Variants in XKR4 observed in about 807,000 individuals in gnomAD.
XKR4 encodes XK-related protein 4.
Under a neutral mutation model 53.9 loss-of-function variants are expected in XKR4, and 12 were observed. The ratio of observed to expected loss-of-function variants is 0.22; its 90% CI spans 0.14 to 0.36. The LOEUF (loss-of-function observed/expected upper bound fraction) is 0.36, where lower values mean the gene tolerates loss of function less well. Among genes scored for constraint, XKR4 ranks in the 10% least tolerant of loss-of-function variants. The pLI is 1.00. For synonymous variants in XKR4, 354 were observed against 362.4 expected, an observed-to-expected ratio of 0.98 and a Z score of 0.26; for missense variants, 799 against 859.5, an observed-to-expected ratio of 0.93 and a Z score of 0.88.
chr8:55,139,278 CT>C (rs1389149896), intron 1 of XKR4, among the ~76,000 whole-genome samples: 24 of 152,042 alleles, frequency 1.6e-4, no homozygotes, highest in African/African-American at 5.3e-4. Context: ...GCTCATGCCT[CT>C]AATCCCAGCA....
chr8:55,228,054 G>A (rs1239315609), intron 1 of XKR4, among the ~76,000 whole-genome samples: 11 of 152,200 alleles, frequency 7.2e-5, no homozygotes, highest in East Asian at 3.9e-4. Context: ...TTACGGACAC[G>A]CACCACCACG....
intron 2 of XKR4, among the ~76,000 whole-genome samples, chr8:55,376,444 C>A (rs990946354): frequency 6.6e-5 from 10 of 152,134 alleles, no homozygotes; most frequent in African/African-American, 2.4e-4. Context: ...GATAGTATCT[C>A]ATTGTGGTAT....
At chr8:55,205,836 A>C (rs781322405) in intron 1 of XKR4, among the ~76,000 whole-genome samples, 1 of 152,162 alleles carries the variant, frequency 6.6e-6, no homozygotes, top group Non-Finnish European at 1.5e-5. Context: ...TGACTTCAAG[A>C]ATGAAGTCGC....
chr8:55,170,624 C>A (rs776627764), intron 1 of XKR4, among the ~76,000 whole-genome samples: 5 of 151,812 alleles, frequency 3.3e-5, no homozygotes, highest in Non-Finnish European at 1.5e-5. Flanking sequence ...CTTGTTACAG[C>A]ACCAATAAGA....
At chr8:55,485,616 C>G (rs749395944) in intron 2 of XKR4, among the ~76,000 whole-genome samples, 17 of 152,208 alleles carry the variant, frequency 1.1e-4, no homozygotes, top group Middle Eastern at 3.4e-3. Flanking sequence ...TTACCTCCTG[C>G]CCCCCTCAGC....
At chr8:55,380,878 A>T (rs569619212) in intron 2 of XKR4, among the ~76,000 whole-genome samples, 17 of 152,344 alleles carry the variant, frequency 1.1e-4, no homozygotes, top group African/African-American at 3.8e-4. Context: ...CATTTGATAA[A>T]AGAGTCAAAC....
intron 1 of XKR4, among the ~76,000 whole-genome samples, chr8:55,141,671 CTGTGTGTGTGTGTGTGTG>C (rs370296200): frequency 1.5e-5 from 2 of 135,176 alleles, no homozygotes; most frequent in Non-Finnish European, 3.2e-5. Flanking sequence ...CTCTCTCTCT[CTGTGTGTGTGTGTGTGTG>C]TCTCTCTCTG....
chr8:55,366,559 C>T (rs527266435), intron 2 of XKR4, among the ~76,000 whole-genome samples: 3 of 152,312 alleles, frequency 2.0e-5, no homozygotes, highest in African/African-American at 4.8e-5. Flanking sequence ...CTTGAAATTC[C>T]GTTTCCTGCT....
At chr8:55,425,920 C>T (rs1365490043) in intron 2 of XKR4, among the ~76,000 whole-genome samples, 3 of 152,288 alleles carry the variant, frequency 2.0e-5, no homozygotes, top group South Asian at 4.1e-4. Context: ...ATGCCATCAG[C>T]GGCTTTCCTT....
intron 2 of XKR4, among the ~76,000 whole-genome samples, chr8:55,432,846 G>A (rs988755303): frequency 1.3e-5 from 2 of 150,412 alleles, no homozygotes; most frequent in Non-Finnish European, 1.5e-5. Context: ...TAGAGGAGAG[G>A]AAAGGAAAGG....
At chr8:55,221,891 G>A (rs1188158613) in intron 1 of XKR4, among the ~76,000 whole-genome samples, 3 of 152,190 alleles carry the variant, frequency 2.0e-5, no homozygotes, top group African/African-American at 7.2e-5. Flanking sequence ...GAGGAAAGAG[G>A]AGGGTGAATC....
At chr8:55,463,440 A>C (rs920739597) in intron 2 of XKR4, among the ~76,000 whole-genome samples, 1 of 151,538 alleles carries the variant, frequency 6.6e-6, no homozygotes, top group East Asian at 1.9e-4. Flanking sequence ...GAACAAAGAC[A>C]CAACATACCA....
chr8:55,460,474 A>C (rs1436534338), intron 2 of XKR4, among the ~76,000 whole-genome samples: 2 of 152,252 alleles, frequency 1.3e-5, no homozygotes, highest in Non-Finnish European at 2.9e-5. Flanking sequence ...TTATCAAAGA[A>C]AATAAAAACA....
chr8:55,424,145 C>G (rs536446275), intron 2 of XKR4, among the ~76,000 whole-genome samples: 1 of 152,172 alleles, frequency 6.6e-6, no homozygotes, highest in Non-Finnish European at 1.5e-5. Flanking sequence ...CGGGGCATTG[C>G]CCTGTACCCC....
intron 2 of XKR4, among the ~76,000 whole-genome samples, chr8:55,359,752 G>A (rs190211621): frequency 6.6e-6 from 1 of 151,986 alleles, no homozygotes; most frequent in African/African-American, 2.4e-5. Flanking sequence ...AGGGATCTGA[G>A]AAAATGAGGT....
At chr8:55,498,362 G>C (rs932995734) in intron 2 of XKR4, among the ~76,000 whole-genome samples, 1 of 152,182 alleles carries the variant, frequency 6.6e-6, no homozygotes, top group Non-Finnish European at 1.5e-5. Context: ...GGTCAGGATC[G>C]TGCATGTCCC....
chr8:55,395,111 G>A lies in XKR4; in HGVS notation c.1006+37234G>A, dbSNP rs75080874. On this transcript the variant is annotated intron_variant, in intron 2 of 2. Coordinates refer to ENST00000327381, the MANE Select transcript of XKR4 (RefSeq NM_052898.2). ...GACCTCTTGAATAATCAAAGCAATA[G>A]TGTGCAATCTTTCCACCTCAGGGAG... Among the ~76,000 whole-genome samples the A allele has an allele frequency of 4.0e-3, 615 of 152,212 alleles. 3 individuals are homozygous for A. Among genetic ancestry groups the A allele is most frequent in the African/African-American group, 0.014 (597 of 41,538 alleles).
chr8:55,190,750 C>T (rs1363695320), intron 1 of XKR4, among the ~76,000 whole-genome samples: 2 of 152,126 alleles, frequency 1.3e-5, no homozygotes, highest in Non-Finnish European at 2.9e-5. Context: ...GCGTTCTGGA[C>T]CAGCAGCAAA....
intron 2 of XKR4, among the ~76,000 whole-genome samples, chr8:55,388,023 T>A (rs543358351): frequency 2.6e-5 from 4 of 152,340 alleles, no homozygotes; most frequent in East Asian, 1.9e-4. Flanking sequence ...AGGACAATTA[T>A]CAGATTTTAA....
Sources: gnomAD v4.1 joint callset for allele counts (sites outside exome capture counted in the v4.1 genomes callset) on GRCh38, gnomAD v4.1.1 for gene constraint, MANE v1.5 for transcripts, NCBI Gene and HGNC (gene_info 2026-07-23, HGNC 2026-07-21) for gene names.